B3GALT1: variants seen among roughly 807,000 people sequenced by gnomAD.
The protein encoded by B3GALT1 is UDP-Gal:betaGlcNAc beta 1,3-galactosyltransferase, polypeptide 1.
A neutral mutation model predicts 23.2 loss-of-function variants in B3GALT1; 10 were observed. The observed-to-expected ratio is 0.43, with a 90% CI of 0.27 to 0.73. B3GALT1 has a LOEUF of 0.73. Among genes scored for constraint, B3GALT1 ranks in the 30% least tolerant of loss-of-function variants. The probability of loss-of-function intolerance (pLI) is 0.21; values close to 1 mark genes in which losing one functional copy is unlikely to be tolerated. For missense variants in B3GALT1, 299 were observed against 405.4 expected, an observed-to-expected ratio of 0.74 and a Z score of 2.25; for synonymous variants, 156 against 141.5, an observed-to-expected ratio of 1.10 and a Z score of -0.73.
chr2:167,424,239 A>G (rs967471827), intron 1 of B3GALT1, among the ~76,000 whole-genome samples: 6 of 152,224 alleles, frequency 3.9e-5, no homozygotes, highest in African/African-American at 1.4e-4. Flanking sequence ...TTGGAACAAC[A>G]GAAAACAATG....
intron 2 of B3GALT1, among the ~76,000 whole-genome samples, chr2:167,608,077 G>A (rs1292349943): frequency 2.0e-5 from 3 of 152,082 alleles, no homozygotes; most frequent in African/African-American, 7.2e-5. Flanking sequence ...ATGAAAAGAA[G>A]GCATTCCTAC....
At chr2:167,750,026 T>C (rs1687711018) in intron 3 of B3GALT1, among the ~76,000 whole-genome samples, 1 of 152,198 alleles carries the variant, frequency 6.6e-6, no homozygotes, top group Non-Finnish European at 1.5e-5. Context: ...AACCCCTTCC[T>C]TTGGCCATTT....
intron 1 of B3GALT1, among the ~76,000 whole-genome samples, chr2:167,390,966 T>TC (rs1289460036): frequency 6.6e-6 from 1 of 152,224 alleles, no homozygotes; most frequent in Non-Finnish European, 1.5e-5. Context: ...TTTAAATGAC[T>TC]CTAGATAAGG....
intron 1 of B3GALT1, among the ~76,000 whole-genome samples, chr2:167,426,715 A>T (rs988754689): frequency 6.6e-6 from 1 of 152,150 alleles, no homozygotes; most frequent in Admixed American, 6.5e-5. Context: ...AACCTGACAA[A>T]TTTACACAGT....
In B3GALT1 at chr2:167,655,538, C is replaced by T. The variant is rs1685942325; in HGVS notation, c.-352+8572C>T. On this transcript the variant is annotated intron_variant, in intron 3 of 4. Coordinates refer to ENST00000392690, the MANE Select transcript of B3GALT1 (RefSeq NM_020981.4). The stretch of plus-strand genomic sequence containing the variant: ...GAATCATATGGAAATAAAATAACAC[C>T]CATAGCAAGGGAGCTCAGAAAGTAT... Among the ~76,000 whole-genome samples, 5 of 151,988 alleles carry T rather than the reference C, an allele frequency of 3.3e-5. No homozygotes were observed. The South Asian group carries it at 8.3e-4, about 25-fold the overall frequency.
At chr2:167,631,846 T>C (rs1685453714) in intron 2 of B3GALT1, among the ~76,000 whole-genome samples, 1 of 150,904 alleles carries the variant, frequency 6.6e-6, no homozygotes, top group Admixed American at 6.6e-5. Context: ...ATGTGCAGAA[T>C]GTGCAGGTTT....
At chr2:167,444,529 T>G (rs1263332580) in intron 1 of B3GALT1, among the ~76,000 whole-genome samples, 1 of 152,222 alleles carries the variant, frequency 6.6e-6, no homozygotes, top group Non-Finnish European at 1.5e-5. Context: ...CTATTAATTA[T>G]TGCCTCAATT....
chr2:167,422,849 A>G (rs1443827936), intron 1 of B3GALT1, among the ~76,000 whole-genome samples: 1 of 152,074 alleles, frequency 6.6e-6, no homozygotes, highest in Admixed American at 6.6e-5. Context: ...TGAAGTGGAC[A>G]CCAGCCAAGA....
chr2:167,443,547 T>C (rs1245796804), intron 1 of B3GALT1, among the ~76,000 whole-genome samples: 1 of 152,204 alleles, frequency 6.6e-6, no homozygotes, highest in Non-Finnish European at 1.5e-5. Context: ...TTTATTTCGT[T>C]GAGCAGTGGT....
At chr2:167,807,591 G>A (rs191955997) in intron 3 of B3GALT1, among the ~76,000 whole-genome samples, 5,324 of 151,852 alleles carry the variant, frequency 0.035, 155 homozygotes, top group South Asian at 0.069. Flanking sequence ...TCATTCTGGA[G>A]CAGGTTGTTC....
At chr2:167,676,623 G>A (rs572921032) in intron 3 of B3GALT1, among the ~76,000 whole-genome samples, 9 of 151,804 alleles carry the variant, frequency 5.9e-5, no homozygotes, top group Non-Finnish European at 8.8e-5. Flanking sequence ...GTGCAGTGGC[G>A]CAATCTCAGC....
At chr2:167,624,165 A>G (rs1394636663) in intron 2 of B3GALT1, among the ~76,000 whole-genome samples, 4 of 152,092 alleles carry the variant, frequency 2.6e-5, no homozygotes, top group East Asian at 1.9e-4. Flanking sequence ...GATGTTAAAA[A>G]TGTTAAAATG....
chr2:167,493,083 C>T (rs1699733718), intron 2 of B3GALT1, among the ~76,000 whole-genome samples: 1 of 152,114 alleles, frequency 6.6e-6, no homozygotes, highest in Admixed American at 6.6e-5. Flanking sequence ...AGCTTTCTGG[C>T]ATGAACTACA....
At chr2:167,585,120 C>G (rs1372647414) in intron 2 of B3GALT1, among the ~76,000 whole-genome samples, 1 of 152,182 alleles carries the variant, frequency 6.6e-6, no homozygotes, top group African/African-American at 2.4e-5. Flanking sequence ...CAGGCAAAGA[C>G]ACTCTTTTCG....
chr2:167,661,112 A>T (rs1574196311), intron 3 of B3GALT1, among the ~76,000 whole-genome samples: 1 of 152,244 alleles, frequency 6.6e-6, no homozygotes, highest in South Asian at 2.1e-4. Context: ...CAGGATGGAC[A>T]TTCACCACCA....
chr2:167,641,536 T>G (rs1358554414), intron 2 of B3GALT1, among the ~76,000 whole-genome samples: 4 of 152,242 alleles, frequency 2.6e-5, no homozygotes, highest in Non-Finnish European at 4.4e-5. Flanking sequence ...AACAATGTTT[T>G]GCAGCTAATA....
intron 2 of B3GALT1, among the ~76,000 whole-genome samples, chr2:167,590,301 G>A (rs1482534843): frequency 3.4e-5 from 5 of 146,784 alleles, no homozygotes; most frequent in East Asian, 4.1e-4. Context: ...CGCTGAGATC[G>A]TGCCACTGCA....
At chr2:167,502,778 G>T (rs533666248) in intron 2 of B3GALT1, among the ~76,000 whole-genome samples, 4 of 152,146 alleles carry the variant, frequency 2.6e-5, no homozygotes, top group Non-Finnish European at 4.4e-5. Flanking sequence ...TGTGGCTCAC[G>T]CCTGTAATCC....
chr2:167,482,963 G>A (rs929279613), intron 1 of B3GALT1, among the ~76,000 whole-genome samples: 3 of 152,124 alleles, frequency 2.0e-5, no homozygotes, highest in Non-Finnish European at 4.4e-5. Context: ...ATCGTTGTTT[G>A]CCTTTTGCTA....
Sources: gnomAD v4.1 joint callset for allele counts (sites outside exome capture counted in the v4.1 genomes callset) on GRCh38, gnomAD v4.1.1 for gene constraint, MANE v1.5 for transcripts, NCBI Gene and HGNC (gene_info 2026-07-23, HGNC 2026-07-21) for gene names.